Variants in GTF2F2 observed in about 807,000 individuals in gnomAD.
GTF2F2 encodes the protein ATP-dependent helicase GTF2F2.
A neutral mutation model predicts 42.2 loss-of-function variants in GTF2F2; 23 were observed. That is an observed-to-expected ratio of 0.55 (90% CI 0.39 to 0.77). The LOEUF (loss-of-function observed/expected upper bound fraction) is 0.77, where lower values mean the gene tolerates loss of function less well. Ranked by LOEUF, GTF2F2 falls within the 30% of genes least tolerant of loss-of-function variation. The pLI is 0.00. For missense variants in GTF2F2, 261 were observed against 287.2 expected (o/e 0.91, Z 0.66); for synonymous variants, 105 against 100.8 (o/e 1.04, Z -0.25).
At chr13:45,222,214 A>G (rs559086644) in intron 5 of GTF2F2, among the ~76,000 whole-genome samples, 1 of 152,292 alleles carries the variant, frequency 6.6e-6, no homozygotes, top group Admixed American at 6.5e-5. Flanking sequence ...GTAAGTATTC[A>G]TTGCACGAAT....
In GTF2F2 at chr13:45,174,055, T is replaced by C. The variant is rs537386458; in HGVS notation, c.304+22224T>C. Among the ~76,000 whole-genome samples the C allele has an allele frequency of 4.6e-5, 7 of 152,318 alleles. No individual in the cohort carries two copies. In the South Asian group the frequency reaches 1.2e-3, roughly 27 times the overall value. On this transcript the variant is annotated intron_variant, in intron 4 of 7. Coordinates refer to ENST00000340473, the MANE Select transcript of GTF2F2 (RefSeq NM_004128.3). Reference sequence around the variant, plus strand: ...TCACTAGCTGATTCCTTTCTATTGCTGAGTATTCCATGGTATGGATGTACC... The same window carrying C: ...TCACTAGCTGATTCCTTTCTATTGCCGAGTATTCCATGGTATGGATGTACC...
At chr13:45,144,070 G>A (rs949180170) in intron 2 of GTF2F2, among the ~76,000 whole-genome samples, 1 of 151,974 alleles carries the variant, frequency 6.6e-6, no homozygotes, top group African/African-American at 2.4e-5. Flanking sequence ...TGGCCAACGT[G>A]GTGAAACCCC....
intron 4 of GTF2F2, among the ~76,000 whole-genome samples, chr13:45,160,012 A>C (rs1280645964): frequency 6.6e-6 from 1 of 152,198 alleles, no homozygotes; most frequent in Non-Finnish European, 1.5e-5. Flanking sequence ...CTGCATATGC[A>C]GTGGGACTTT....
chr13:45,243,859 C>T (rs1875449402), intron 5 of GTF2F2, among the ~76,000 whole-genome samples: 1 of 152,192 alleles, frequency 6.6e-6, no homozygotes, highest in Non-Finnish European at 1.5e-5. Context: ...CACAGTTTCA[C>T]CATGTTGGCC....
At chr13:45,141,089 A>G (rs1037856403) in intron 2 of GTF2F2, among the ~76,000 whole-genome samples, 4 of 152,242 alleles carry the variant, frequency 2.6e-5, no homozygotes, top group Non-Finnish European at 5.9e-5. Flanking sequence ...TTCATGTCCC[A>G]TGAATAATAC....
intron 2 of GTF2F2, among the ~76,000 whole-genome samples, chr13:45,144,361 G>A (rs1178001358): frequency 6.6e-6 from 1 of 151,536 alleles, no homozygotes; most frequent in African/African-American, 2.4e-5. Context: ...CCAAATGTTT[G>A]ATATATGTTA....
intron 4 of GTF2F2, among the ~76,000 whole-genome samples, chr13:45,173,425 G>A (rs992768799): frequency 3.8e-4 from 57 of 151,276 alleles, no homozygotes; most frequent in African/African-American, 9.7e-4. Flanking sequence ...GTTTTGTCAC[G>A]TGTGGTTTCA....
rs1877358553 is a variant in GTF2F2 at position 45,283,701 on chromosome 13, C to T, written c.*140C>T. 5 of 545,416 alleles carry T rather than the reference C, an allele frequency of 9.2e-6. No homozygotes were observed. Among genetic ancestry groups the T allele is most frequent in the Admixed American group, 4.3e-5 (1 of 23,040 alleles). The allele number at this position is 545,416 out of a possible 1,614,324, so 33.8% of individuals were successfully genotyped here. Reference sequence around the variant, plus strand: ...GATTTCTCTCGGTAAATTTTTTAAACCTGTAATTCTTGTAAAGTTTCTTAA... The same window carrying T: ...GATTTCTCTCGGTAAATTTTTTAAATCTGTAATTCTTGTAAAGTTTCTTAA... On this transcript the variant is annotated 3_prime_UTR_variant, in exon 8 of 8. Transcript: ENST00000340473.
intron 5 of GTF2F2, among the ~76,000 whole-genome samples, chr13:45,217,613 C>T (rs1873948127): frequency 1.3e-5 from 2 of 152,078 alleles, no homozygotes; most frequent in Non-Finnish European, 2.9e-5. Flanking sequence ...AATGAATCTC[C>T]AGAATTGATA....
intron 5 of GTF2F2, among the ~76,000 whole-genome samples, chr13:45,229,907 G>T (rs1874584655): frequency 6.6e-6 from 1 of 152,016 alleles, no homozygotes. Context: ...CCTATGTGTG[G>T]TTAGGGTGCT....
chr13:45,219,129 A>T (rs1362811517), intron 5 of GTF2F2, among the ~76,000 whole-genome samples: 1 of 151,436 alleles, frequency 6.6e-6, no homozygotes, highest in African/African-American at 2.4e-5. Context: ...ATGGCTTCAT[A>T]TTTTATGAAT....
At chr13:45,231,376 GATT>G (rs1874674426) in intron 5 of GTF2F2, among the ~76,000 whole-genome samples, 1 of 152,184 alleles carries the variant, frequency 6.6e-6, no homozygotes, top group Admixed American at 6.5e-5. Context: ...AGAGTGCTGG[GATT>G]ACAGGCATGA....
intron 4 of GTF2F2, among the ~76,000 whole-genome samples, chr13:45,197,525 A>AG (rs1851195685): frequency 6.6e-6 from 1 of 150,842 alleles, no homozygotes; most frequent in South Asian, 2.1e-4. Flanking sequence ...AAAAAAAAAA[A>AG]AGGCACCCAG....
At chr13:45,181,833 T>C (rs1433229219) in intron 4 of GTF2F2, among the ~76,000 whole-genome samples, 1 of 152,152 alleles carries the variant, frequency 6.6e-6, no homozygotes, top group East Asian at 1.9e-4. Flanking sequence ...CTTGAGCACA[T>C]TGTGTTAGCT....
chr13:45,242,986 T>G (rs1454727475), intron 5 of GTF2F2, among the ~76,000 whole-genome samples: 2 of 152,242 alleles, frequency 1.3e-5, no homozygotes. Flanking sequence ...TTATTTTTAT[T>G]ACATGAATTT....
chr13:45,194,833 T>C (rs1872811985), intron 4 of GTF2F2: 2 of 455,670 alleles, frequency 4.4e-6, no homozygotes, highest in South Asian at 9.1e-5. Flanking sequence ...TTCATGTCTA[T>C]CCTTTGAAGT....
At chr13:45,167,965 C>T (rs1042948330) in intron 4 of GTF2F2, among the ~76,000 whole-genome samples, 1 of 152,222 alleles carries the variant, frequency 6.6e-6, no homozygotes, top group Non-Finnish European at 1.5e-5. Context: ...GTGTTGTTTA[C>T]AGCTTCAGTT....
At chr13:45,228,463 G>A (rs2138214315) in intron 5 of GTF2F2, among the ~76,000 whole-genome samples, 1 of 149,326 alleles carries the variant, frequency 6.7e-6, no homozygotes, top group South Asian at 2.1e-4. Context: ...TTCTCGAGCA[G>A]TACCTGACGC....
intron 5 of GTF2F2, among the ~76,000 whole-genome samples, chr13:45,211,387 T>A (rs1873634420): frequency 6.6e-6 from 1 of 150,988 alleles, no homozygotes; most frequent in Non-Finnish European, 1.5e-5. Flanking sequence ...TTTTTTTTTT[T>A]AAACTGTGAA....
Sources: allele counts gnomAD v4.1 joint callset (sites outside exome capture counted in the v4.1 genomes callset), GRCh38; gene constraint gnomAD v4.1.1; transcripts MANE v1.5; gene names NCBI Gene and HGNC (gene_info 2026-07-23, HGNC 2026-07-21).